Variants in PARD3 observed in about 807,000 individuals in gnomAD.
The protein encoded by PARD3 is partitioning defective 3 homolog.
PARD3 carries 75 observed loss-of-function variants against 155.4 expected under a neutral mutation model. That is an observed-to-expected ratio of 0.48 (90% CI 0.40 to 0.58). PARD3 has a LOEUF of 0.58. PARD3 is among the 20% of genes least tolerant of loss of function. The pLI, the probability that PARD3 is intolerant of heterozygous loss-of-function variation, is 0.00. For missense variants in PARD3, 1,642 were observed against 1,721.7 expected (o/e 0.95, Z 0.82); for synonymous variants, 576 against 610.5 (o/e 0.94, Z 0.83).
intron 23 of PARD3, among the ~76,000 whole-genome samples, chr10:34,124,841 C>T (rs114411268): frequency 1.5e-3 from 232 of 152,252 alleles, no homozygotes; most frequent in African/African-American, 5.1e-3. Flanking sequence ...GGTTGCTCTA[C>T]AAAACAAGCC....
chr10:34,605,609 CTATATATATATCTCCTA>C lies in PARD3; in HGVS notation c.223-88467_223-88451del, dbSNP rs1466913579. ...TATATCTCCTATATATATATATCTC[CTATATATATATCTCCTA>C]TATATATATATCTCCTATATATATA... On this transcript the variant is annotated intron_variant, in intron 2 of 24. Transcript: ENST00000374788. 2.3e-3 allele frequency among the ~76,000 whole-genome samples: 51 copies of C among 21,794 alleles called. 6 individuals are homozygous for C. Among genetic ancestry groups the C allele is most frequent in the East Asian group, 4.6e-3 (4 of 872 alleles). 14.3% of individuals were successfully genotyped at this position (21,794 alleles called of 152,430 possible).
Position 34,336,234 on chromosome 10 carries a change from T to G in PARD3, c.2570A>C (p.Glu857Ala). The change falls in exon 18 of 25, where the codon GAG (glutamate) becomes GCG (alanine). Residue 857 changes from glutamate (E) to alanine (A), a missense_variant. Physicochemically the swap from Glu to Ala is moderately radical, Grantham distance 107. Transcript: ENST00000374788. The part of the protein sequence containing the change: ...SKSMDLGIAD[E>A]TKLNTVDDQK... ...GTCATCCACTGTATTGAGTTTAGTC[T>G]CGTCAGCTACTGTTAAAAGGTAAAT... 5.0e-6 allele frequency: 8 copies of G among 1,612,154 alleles called. No individual in the cohort carries two copies. Among genetic ancestry groups the G allele is most frequent in the Non-Finnish European group, 6.8e-6 (8 of 1,178,412 alleles).
At chr10:34,546,953 G>C (rs766076134) in intron 2 of PARD3, among the ~76,000 whole-genome samples, 12 of 152,134 alleles carry the variant, frequency 7.9e-5, no homozygotes, top group South Asian at 6.2e-4. Context: ...GAATTGTTTA[G>C]CCCATCAAAC....
chr10:34,403,790 G>A (rs566173551), intron 5 of PARD3, among the ~76,000 whole-genome samples: 5 of 152,242 alleles, frequency 3.3e-5, no homozygotes, highest in East Asian at 1.9e-4. Context: ...ATGTAAACAC[G>A]AACTCCCAAA....
At chr10:34,540,718 G>T (rs2083549074) in intron 2 of PARD3, among the ~76,000 whole-genome samples, 1 of 152,138 alleles carries the variant, frequency 6.6e-6, no homozygotes, top group South Asian at 2.1e-4. Flanking sequence ...GAAGCTCGAG[G>T]CTACAGTGAG....
intron 3 of PARD3, among the ~76,000 whole-genome samples, chr10:34,512,856 T>C (rs889675335): frequency 6.6e-6 from 1 of 152,172 alleles, no homozygotes; most frequent in Non-Finnish European, 1.5e-5. Context: ...AATATTATAA[T>C]TTCCCATCTC....
chr10:34,447,480 CAAAAAAAAAAAAAAAAAAAA>C lies in PARD3; in HGVS notation c.714+2817_714+2836del, dbSNP rs745637071. ...TGGGCAACAGAGCAAGACTGCGTCTCAAAAAAAAAAAAAAAAAAAAAAAAAAAAAAAAAAAAAAAGGGCCA... is the reference window on the plus strand; with the variant it reads ...TGGGCAACAGAGCAAGACTGCGTCTCAAAAAAAAAAAAAAAAAAAGGGCCA... On this transcript the variant is annotated intron_variant, in intron 5 of 24. Coordinates refer to ENST00000374788, the MANE Select transcript of PARD3 (RefSeq NM_001184785.2). Among the ~76,000 whole-genome samples the C allele has an allele frequency of 1.3e-3, 49 of 37,210 alleles. 1 individual carries two copies. The highest frequency in any genetic ancestry group is 6.7e-3 in the South Asian group (5 of 746). The allele number at this position is 37,210 out of a possible 152,430, so 24.4% of individuals were successfully genotyped here.
At chr10:34,350,239 A>C (rs1589263178) in intron 14 of PARD3, among the ~76,000 whole-genome samples, 1 of 152,348 alleles carries the variant, frequency 6.6e-6, no homozygotes, top group South Asian at 2.1e-4. Context: ...AGGGGGCACC[A>C]GCGGCACTGA....
At chr10:34,492,904 G>A (rs916251195) in intron 3 of PARD3, among the ~76,000 whole-genome samples, 11 of 152,294 alleles carry the variant, frequency 7.2e-5, no homozygotes, top group Admixed American at 6.5e-5. Context: ...TCGCTAAAGC[G>A]TTTTTCTGAT....
rs563905362 is a variant in PARD3 at position 34,602,216 on chromosome 10, TC to T, written c.223-85058del. On this transcript the variant is annotated intron_variant, in intron 2 of 24. Coordinates refer to ENST00000374788, the MANE Select transcript of PARD3 (RefSeq NM_001184785.2). ...ACGCTGTTATTCATTACTGGACAGA[TC>T]AATATATGTTTACACTTTTCACTTT... 7.4e-4 allele frequency among the ~76,000 whole-genome samples: 112 copies of T among 152,330 alleles called. 1 individual carries two copies. The highest frequency in any genetic ancestry group is 2.5e-3 in the African/African-American group (102 of 41,596).
chr10:34,691,122 G>A lies in PARD3; in HGVS notation c.222+5196C>T, dbSNP rs115684416. Reference sequence around the variant, plus strand: ...TCCCAACTACTCAAGAGGTGAGGTGGCACCCAAATAGGAAGAGAGGAAGTC... The same window carrying A: ...TCCCAACTACTCAAGAGGTGAGGTGACACCCAAATAGGAAGAGAGGAAGTC... On this transcript the variant is annotated intron_variant, in intron 2 of 24. Transcript: ENST00000374788. Among the ~76,000 whole-genome samples the A allele has an allele frequency of 2.0e-3, 312 of 152,228 alleles. 1 individual carries two copies. The highest frequency in any genetic ancestry group is 7.1e-3 in the African/African-American group (295 of 41,546).
intron 1 of PARD3, among the ~76,000 whole-genome samples, chr10:34,772,112 G>A (rs2134100272): frequency 6.6e-6 from 1 of 152,164 alleles, no homozygotes; most frequent in East Asian, 1.9e-4. Context: ...AGAATGCCCT[G>A]GTCAGTTCTA....
intron 1 of PARD3, among the ~76,000 whole-genome samples, chr10:34,726,837 A>T (rs1364923257): frequency 6.6e-6 from 1 of 152,116 alleles, no homozygotes; most frequent in Non-Finnish European, 1.5e-5. Context: ...CCAGCATTAC[A>T]TCTTTATACT....
chr10:34,215,603 C>T (rs980684402), intron 22 of PARD3, among the ~76,000 whole-genome samples: 1 of 152,164 alleles, frequency 6.6e-6, no homozygotes, highest in African/African-American at 2.4e-5. Flanking sequence ...TGAAGAGTTC[C>T]AACTCCATGG....
intron 19 of PARD3, among the ~76,000 whole-genome samples, chr10:34,320,822 A>G (rs1286965380): frequency 6.6e-6 from 1 of 152,192 alleles, no homozygotes; most frequent in African/African-American, 2.4e-5. Context: ...AGGATTCTTT[A>G]TGCTTGTTCT....
chr10:34,357,087 A>G (rs1838963134), intron 14 of PARD3, among the ~76,000 whole-genome samples: 2 of 152,196 alleles, frequency 1.3e-5, no homozygotes, highest in Non-Finnish European at 1.5e-5. Flanking sequence ...CCAATTTCAC[A>G]TCTCTTACAG....
At chr10:34,300,482 C>A (rs1957095780) in intron 20 of PARD3, among the ~76,000 whole-genome samples, 1 of 152,070 alleles carries the variant, frequency 6.6e-6, no homozygotes, top group African/African-American at 2.4e-5. Flanking sequence ...AAGTGAGAAA[C>A]CATCTCTACA....
At chr10:34,722,264 CTG>C (rs1234511994) in intron 1 of PARD3, among the ~76,000 whole-genome samples, 2 of 151,922 alleles carry the variant, frequency 1.3e-5, no homozygotes, top group African/African-American at 4.8e-5. Flanking sequence ...TATATATAGA[CTG>C]TTTATCTATG....
At chr10:34,414,256 C>T (rs1845426128) in intron 5 of PARD3, among the ~76,000 whole-genome samples, 1 of 151,824 alleles carries the variant, frequency 6.6e-6, no homozygotes, top group Non-Finnish European at 1.5e-5. Flanking sequence ...AAACAAATAT[C>T]ATCAAGGTAC....
Sources: allele counts gnomAD v4.1 joint callset (sites outside exome capture counted in the v4.1 genomes callset), GRCh38; gene constraint gnomAD v4.1.1; transcripts MANE v1.5; gene names NCBI Gene and HGNC (gene_info 2026-07-23, HGNC 2026-07-21).